The following DGKG variants were observed in gnomAD, a reference collection of about 807,000 sequenced individuals.
The protein encoded by DGKG is diacylglycerol kinase gamma, also known as DAG kinase gamma.
Under a neutral mutation model 105.3 loss-of-function variants are expected in DGKG, and 78 were observed. That is an observed-to-expected ratio of 0.74 (90% CI 0.62 to 0.89). The LOEUF (loss-of-function observed/expected upper bound fraction) is 0.89, where lower values mean the gene tolerates loss of function less well. Ranked by LOEUF, DGKG falls within the 40% of genes least tolerant of loss-of-function variation. The pLI, the probability that DGKG is intolerant of heterozygous loss-of-function variation, is 0.00. For missense variants in DGKG, 958 were observed against 1,020.1 expected (o/e 0.94, Z 0.83); for synonymous variants, 346 against 367.1 (o/e 0.94, Z 0.66).
At position 186,320,391 on chromosome 3, in the gene DGKG, A is replaced by G; in HGVS notation, c.67+2T>C. The G allele has an allele frequency of 1.2e-6, 2 of 1,614,166 alleles. No individual in the cohort carries two copies. Among genetic ancestry groups the G allele is most frequent in the Non-Finnish European group, 1.7e-6 (2 of 1,180,016 alleles). ...CCCAGGGCTGTCAATGCATTTACTCACATTCTGAATATTTCTGGAGTTGGT... is the reference window on the plus strand; with the variant it reads ...CCCAGGGCTGTCAATGCATTTACTCGCATTCTGAATATTTCTGGAGTTGGT... On this transcript the variant is annotated splice_donor_variant, in intron 2 of 24. Coordinates refer to ENST00000265022, the MANE Select transcript of DGKG (RefSeq NM_001346.3). LOFTEE classifies it high-confidence loss of function.
At chr3:186,204,872 T>C (rs1718646154) in intron 21 of DGKG, among the ~76,000 whole-genome samples, 1 of 152,222 alleles carries the variant, frequency 6.6e-6, no homozygotes. Flanking sequence ...TTACCACTGA[T>C]GTTCCCACCA....
chr3:186,287,975 A>AT (rs939218194), intron 6 of DGKG, among the ~76,000 whole-genome samples: 13 of 152,128 alleles, frequency 8.5e-5, no homozygotes, highest in East Asian at 1.9e-4. Context: ...GTCATCTCCT[A>AT]TTTTTTTAGA....
intron 3 of DGKG, among the ~76,000 whole-genome samples, chr3:186,299,833 CTTTCTTT>C (rs869037750): frequency 2.0e-5 from 2 of 97,604 alleles, no homozygotes; most frequent in African/African-American, 3.9e-5. Context: ...TTCTTTCTTT[CTTTCTTT>C]TTTTTTTTTT....
Position 186,248,025 on chromosome 3 carries a change from C to CT in DGKG, c.1761+3733dup, listed in dbSNP as rs534830072. Among the ~76,000 whole-genome samples, 61 of 151,858 alleles carry CT rather than the reference C, an allele frequency of 4.0e-4. 2 individuals carry two copies. In the South Asian group the frequency reaches 0.012, roughly 31 times the overall value. On this transcript the variant is annotated intron_variant, in intron 19 of 24. Coordinates refer to ENST00000265022, the MANE Select transcript of DGKG (RefSeq NM_001346.3). ...CCTTCCTTCCTCCCTCCCTTCCTTCCTTTTTTCCTACTTTTTTTGCTAGAA... is the reference window on the plus strand; with the variant it reads ...CCTTCCTTCCTCCCTCCCTTCCTTCCTTTTTTTCCTACTTTTTTTGCTAGAA...
At chr3:186,234,591 C>G (rs1299750044) in intron 20 of DGKG, among the ~76,000 whole-genome samples, 1 of 152,188 alleles carries the variant, frequency 6.6e-6, no homozygotes, top group Non-Finnish European at 1.5e-5. Flanking sequence ...ACCGATTCTA[C>G]TCTTTGTTGA....
chr3:186,192,749 T>C (rs546073682), intron 21 of DGKG, among the ~76,000 whole-genome samples: 11 of 152,296 alleles, frequency 7.2e-5, no homozygotes, highest in African/African-American at 2.4e-4. Flanking sequence ...CTTCCAGCTG[T>C]TTGAATAATT....
At chr3:186,241,099 C>T (rs898259247) in intron 20 of DGKG, among the ~76,000 whole-genome samples, 2 of 152,118 alleles carry the variant, frequency 1.3e-5, no homozygotes, top group Admixed American at 6.5e-5. Flanking sequence ...TCCCACAGAT[C>T]GCTCTTTCTG....
chr3:186,308,776 G>A (rs991651315), intron 2 of DGKG, among the ~76,000 whole-genome samples: 2 of 152,210 alleles, frequency 1.3e-5, no homozygotes, highest in African/African-American at 4.8e-5. Flanking sequence ...AAAACACTAA[G>A]GAGGGTAAGA....
intron 1 of DGKG, among the ~76,000 whole-genome samples, chr3:186,354,657 A>G (rs188458611): frequency 1.4e-4 from 21 of 152,304 alleles, no homozygotes; most frequent in African/African-American, 4.8e-4. Context: ...CTTTTCTCTT[A>G]CACATCATGA....
At chr3:186,155,554 A>G (rs1284609811) in intron 24 of DGKG, among the ~76,000 whole-genome samples, 7 of 152,236 alleles carry the variant, frequency 4.6e-5, no homozygotes, top group Non-Finnish European at 1.0e-4. Flanking sequence ...AACTTTTTGC[A>G]ATGATAAGTA....
chr3:186,167,587 G>A (rs1011039243), intron 22 of DGKG, among the ~76,000 whole-genome samples: 3 of 152,214 alleles, frequency 2.0e-5, no homozygotes, highest in Non-Finnish European at 2.9e-5. Flanking sequence ...TAGGCACACA[G>A]AGGAATTAAT....
chr3:186,188,398 A>G lies in DGKG; in HGVS notation c.1918-19T>C. The G allele has an allele frequency of 6.2e-7, 1 of 1,612,730 alleles. No individual in the cohort carries two copies. The highest frequency in any genetic ancestry group is 8.5e-7 in the Non-Finnish European group (1 of 1,179,596). On this transcript the variant is annotated intron_variant, in intron 21 of 24. Transcript: ENST00000265022. ...CATCACACTGGAGGACGGAGAGAAAAGGCCATCTGTTAGTGTCCTCAGTGT... is the reference window on the plus strand; with the variant it reads ...CATCACACTGGAGGACGGAGAGAAAGGGCCATCTGTTAGTGTCCTCAGTGT...
rs1270504925 is a variant in DGKG at position 186,257,940 on chromosome 3, C to T, written c.1425-1G>A. 1 of 1,613,902 alleles carries T rather than the reference C, an allele frequency of 6.2e-7. No homozygotes were observed. Among genetic ancestry groups the T allele is most frequent in the Admixed American group, 1.7e-5 (1 of 60,018 alleles). On this transcript the variant is annotated splice_acceptor_variant, in intron 16 of 24. Transcript: ENST00000265022. LOFTEE classifies it high-confidence loss of function. Reference sequence around the variant, plus strand: ...TGGAGTATCACGGAAAAAGTTCAACCTGGGAAGAAGAAGAAAGGCCAAAAT... The same window carrying T: ...TGGAGTATCACGGAAAAAGTTCAACTTGGGAAGAAGAAGAAAGGCCAAAAT...
At chr3:186,267,497 T>G (rs996861170) in intron 13 of DGKG, 188 bp downstream of exon 13, 104 of 560,812 alleles carry the variant, frequency 1.9e-4, no homozygotes, top group Non-Finnish European at 2.9e-4. Flanking sequence ...AAGACGTGTC[T>G]GCCTGTGTAA....
intron 13 of DGKG, 34 bp downstream of exon 13, chr3:186,267,651 A>G: frequency 6.4e-7 from 1 of 1,562,902 alleles, no homozygotes; most frequent in Non-Finnish European, 8.8e-7. Flanking sequence ...GAACCCGGAG[A>G]AGCTACAGCC....
chr3:186,171,871 C>T (rs1236210473), intron 22 of DGKG, among the ~76,000 whole-genome samples: 2 of 151,420 alleles, frequency 1.3e-5, no homozygotes, highest in East Asian at 1.9e-4. Context: ...TTTTTTCCCC[C>T]GATATTTGGA....
At chr3:186,282,281 G>A (rs1424908276) in intron 7 of DGKG, among the ~76,000 whole-genome samples, 1 of 152,154 alleles carries the variant, frequency 6.6e-6, no homozygotes, top group Non-Finnish European at 1.5e-5. Context: ...GCCTGTGTTC[G>A]AGAAGGAAGC....
chr3:186,215,767 G>A (rs551305852), intron 20 of DGKG, among the ~76,000 whole-genome samples: 62 of 152,180 alleles, frequency 4.1e-4, no homozygotes, highest in African/African-American at 1.4e-3. Context: ...CTTAGACAGC[G>A]TGATAGATGA....
chr3:186,196,682 G>A (rs1281506996), intron 21 of DGKG, among the ~76,000 whole-genome samples: 1 of 152,134 alleles, frequency 6.6e-6, no homozygotes, highest in Non-Finnish European at 1.5e-5. Context: ...ATTGGATAAG[G>A]GCTGAAGCAC....
Sources: allele counts gnomAD v4.1 joint callset (sites outside exome capture counted in the v4.1 genomes callset), GRCh38; gene constraint gnomAD v4.1.1; transcripts MANE v1.5; gene names NCBI Gene and HGNC (gene_info 2026-07-23, HGNC 2026-07-21).